PHF14: variants seen among roughly 807,000 people sequenced by gnomAD.
The protein encoded by PHF14 is PHD finger protein 14.
In PHF14, 55 loss-of-function variants were observed where a neutral mutation model predicts 117.9. The observed-to-expected ratio is 0.47, with a 90% confidence interval of 0.38 to 0.58. The LOEUF (loss-of-function observed/expected upper bound fraction) is 0.58, where lower values mean the gene tolerates loss of function less well. PHF14 is among the 20% of genes least tolerant of loss of function. The probability of loss-of-function intolerance (pLI) is 0.00; values close to 1 mark genes in which losing one functional copy is unlikely to be tolerated. For missense variants in PHF14, 978 were observed against 1,122.2 expected (o/e 0.87, Z 1.84); for synonymous variants, 409 against 368.6 (o/e 1.11, Z -1.26).
intron 3 of PHF14, among the ~76,000 whole-genome samples, chr7:10,984,949 T>G (rs758026497): frequency 6.6e-6 from 1 of 152,180 alleles, no homozygotes; most frequent in Non-Finnish European, 1.5e-5. Context: ...AAAGTGCCCA[T>G]GTAGAAGAGA....
intron 16 of PHF14, among the ~76,000 whole-genome samples, chr7:11,086,298 T>G (rs1463618519): frequency 3.8e-4 from 58 of 152,288 alleles, no homozygotes; most frequent in Non-Finnish European, 5.9e-5. Context: ...CCAGCCTCAG[T>G]CTGTCTTTTT....
chr7:11,040,237 A>T (rs1414876511), intron 11 of PHF14, among the ~76,000 whole-genome samples: 1 of 152,126 alleles, frequency 6.6e-6, no homozygotes, highest in African/African-American at 2.4e-5. Context: ...AAACCCAAAG[A>T]GAATCTCACT....
At chr7:10,978,358 A>G (rs1464763417) in intron 2 of PHF14, among the ~76,000 whole-genome samples, 4 of 152,212 alleles carry the variant, frequency 2.6e-5, no homozygotes, top group South Asian at 2.1e-4. Flanking sequence ...GTGTAGTTCA[A>G]GTCTTTAATA....
In PHF14 at chr7:11,070,523, T is replaced by A. The variant is rs531935806; in HGVS notation, c.2654+8438T>A. Among the ~76,000 whole-genome samples the A allele has an allele frequency of 4.6e-5, 7 of 152,366 alleles. 1 individual carries two copies. In the South Asian group the frequency reaches 1.4e-3, roughly 32 times the overall value. ...ATTTGCATAGGACTTTCCTGCTTTC[T>A]GTAATGTATTTGGGCATATTTTCTT... is the stretch of plus-strand genomic sequence containing the variant. On this transcript the variant is annotated intron_variant, in intron 16 of 17. Coordinates refer to ENST00000634607, the MANE Select transcript of PHF14 (RefSeq NM_001007157.2).
At chr7:11,052,529 TC>T (rs1297447506) in intron 14 of PHF14, among the ~76,000 whole-genome samples, 1 of 151,260 alleles carries the variant, frequency 6.6e-6, no homozygotes. Context: ...TTACAGACTA[TC>T]TGCATCTTCA....
At chr7:11,043,678 A>G (rs1429936756) in intron 13 of PHF14, among the ~76,000 whole-genome samples, 1 of 152,126 alleles carries the variant, frequency 6.6e-6, no homozygotes, top group African/African-American at 2.4e-5. Flanking sequence ...GCTTTTTTAT[A>G]GTGTTCTTTG....
chr7:11,019,752 C>T (rs1783667326), intron 5 of PHF14, among the ~76,000 whole-genome samples: 1 of 151,894 alleles, frequency 6.6e-6, no homozygotes, highest in Admixed American at 6.6e-5. Flanking sequence ...CTGCTCTGAT[C>T]TTTATTAATC....
At chr7:10,980,710 C>T (rs73678538) in intron 2 of PHF14, among the ~76,000 whole-genome samples, 2,503 of 152,202 alleles carry the variant, frequency 0.016, 82 homozygotes, top group African/African-American at 0.057. Flanking sequence ...TTCTCATACT[C>T]TGTAAATAGG....
chr7:11,154,554 C>G (rs1011803820), intron 17 of PHF14, among the ~76,000 whole-genome samples: 4 of 152,036 alleles, frequency 2.6e-5, no homozygotes, highest in Non-Finnish European at 5.9e-5. Context: ...ATAGTCCTAC[C>G]TAGACCTATA....
intron 16 of PHF14, among the ~76,000 whole-genome samples, chr7:11,081,379 G>A (rs996998903): frequency 6.6e-6 from 1 of 152,098 alleles, no homozygotes; most frequent in Non-Finnish European, 1.5e-5. Flanking sequence ...ATTCTTTATG[G>A]TGCTCATTAT....
intron 17 of PHF14, among the ~76,000 whole-genome samples, chr7:11,143,475 C>T (rs1788456583): frequency 1.3e-5 from 2 of 151,908 alleles, no homozygotes; most frequent in African/African-American, 4.8e-5. Context: ...AATTAAGTGA[C>T]AGATCACTTC....
At chr7:11,044,759 G>A (rs1784612139) in intron 13 of PHF14, among the ~76,000 whole-genome samples, 1 of 152,046 alleles carries the variant, frequency 6.6e-6, no homozygotes, top group Non-Finnish European at 1.5e-5. Context: ...GGTTATTTAA[G>A]TCTATTGCAT....
intron 2 of PHF14, among the ~76,000 whole-genome samples, chr7:10,979,274 G>A (rs567633952): frequency 2.0e-5 from 3 of 151,772 alleles, no homozygotes; most frequent in Admixed American, 1.3e-4. Flanking sequence ...TTATTTTTTT[G>A]TCTGGCCATT....
At chr7:11,049,595 G>GT (rs1377987738) in intron 13 of PHF14, among the ~76,000 whole-genome samples, 5 of 152,092 alleles carry the variant, frequency 3.3e-5, no homozygotes, top group Non-Finnish European at 7.3e-5. Context: ...AAGTGAAGCA[G>GT]TGTGCCTTTT....
chr7:11,106,183 T>C (rs1324590879), intron 16 of PHF14: 11 of 979,020 alleles, frequency 1.1e-5, no homozygotes, highest in South Asian at 9.5e-5. Context: ...GCCACAGATA[T>C]AGCTAACTGA....
At chr7:11,090,070 C>A (rs1389826136) in intron 16 of PHF14, among the ~76,000 whole-genome samples, 1 of 152,184 alleles carries the variant, frequency 6.6e-6, no homozygotes, top group African/African-American at 2.4e-5. Flanking sequence ...CTCACTTGGC[C>A]TGTTCATGCC....
chr7:11,094,849 G>C lies in PHF14; in HGVS notation c.2655-16501G>C, dbSNP rs531767862. Among the ~76,000 whole-genome samples the C allele has an allele frequency of 4.6e-5, 7 of 152,248 alleles. No individual in the cohort carries two copies. The East Asian group carries it at 1.3e-3, about 29-fold the overall frequency. On this transcript the variant is annotated intron_variant, in intron 16 of 17. Coordinates refer to ENST00000634607, the MANE Select transcript of PHF14 (RefSeq NM_001007157.2). ...TTCTTTTATGGGGTCTATCTTTCTT[G>C]TATTTCAGGCCACTTGGTTGCCCTC... is the stretch of plus-strand genomic sequence containing the variant.
At chr7:11,075,914 G>A (rs1404540058) in intron 16 of PHF14, among the ~76,000 whole-genome samples, 2 of 152,038 alleles carry the variant, frequency 1.3e-5, no homozygotes, top group Admixed American at 1.3e-4. Context: ...GGTGGATCAC[G>A]AGGTCAGGAG....
In PHF14 at chr7:11,036,400, A is replaced by G; in HGVS notation, c.1603-18A>G. 1 of 1,562,464 alleles carries G rather than the reference A, an allele frequency of 6.4e-7. No homozygotes were observed. The highest frequency in any genetic ancestry group is 8.7e-7 in the Non-Finnish European group (1 of 1,148,620). On this transcript the variant is annotated intron_variant, in intron 8 of 17. Coordinates refer to ENST00000634607, the MANE Select transcript of PHF14 (RefSeq NM_001007157.2). ...TCATTTTATTATCTTTTAAAATTTGAATACATTTCTTTTATAGGCAAGGAT... is the reference window on the plus strand; with the variant it reads ...TCATTTTATTATCTTTTAAAATTTGGATACATTTCTTTTATAGGCAAGGAT...
Sources: allele counts gnomAD v4.1 joint callset (sites outside exome capture counted in the v4.1 genomes callset), GRCh38; gene constraint gnomAD v4.1.1; transcripts MANE v1.5; gene names NCBI Gene and HGNC (gene_info 2026-07-23, HGNC 2026-07-21).